GRID1: variants seen among roughly 807,000 people sequenced by gnomAD.
GRID1 encodes the protein glutamate receptor ionotropic, delta-1.
Under a neutral mutation model 98.0 loss-of-function variants are expected in GRID1, and 28 were observed. The ratio of observed to expected loss-of-function variants is 0.29; its 90% CI spans 0.21 to 0.39. The LOEUF (loss-of-function observed/expected upper bound fraction) is 0.39. Ranked by LOEUF, GRID1 falls within the 10% of genes least tolerant of loss-of-function variation. The pLI, the probability that GRID1 is intolerant of heterozygous loss-of-function variation, is 1.00. For missense variants in GRID1, 1,111 were observed against 1,340.5 expected (o/e 0.83, Z 2.67); for synonymous variants, 553 against 538.5 (o/e 1.03, Z -0.37).
intron 4 of GRID1, among the ~76,000 whole-genome samples, chr10:85,957,611 T>C (rs1842211713): frequency 6.6e-6 from 1 of 152,080 alleles, no homozygotes; most frequent in Non-Finnish European, 1.5e-5. Context: ...CCGGTGAAAA[T>C]GCAGAAAAGA....
chr10:85,978,426 T>C (rs1342737845), intron 4 of GRID1, among the ~76,000 whole-genome samples: 1 of 152,196 alleles, frequency 6.6e-6, no homozygotes, highest in African/African-American at 2.4e-5. Context: ...GCATAATAAA[T>C]TAGAGCCAGG....
chr10:86,234,026 C>A (rs1432665043), intron 2 of GRID1, among the ~76,000 whole-genome samples: 1 of 152,130 alleles, frequency 6.6e-6, no homozygotes, highest in Non-Finnish European at 1.5e-5. Context: ...ACTACCTGCT[C>A]CAGTTGCTGT....
intron 3 of GRID1, among the ~76,000 whole-genome samples, chr10:86,151,873 C>G (rs573342154): frequency 6.6e-6 from 1 of 152,196 alleles, no homozygotes; most frequent in Non-Finnish European, 1.5e-5. Flanking sequence ...CCCACCCTCT[C>G]AGTGACAGGC....
At chr10:85,960,975 G>A (rs1365137252) in intron 4 of GRID1, among the ~76,000 whole-genome samples, 7 of 151,976 alleles carry the variant, frequency 4.6e-5, no homozygotes, top group Admixed American at 2.6e-4. Context: ...AGAGAGGCTC[G>A]GTGGTAGAGT....
At chr10:86,012,222 G>T (rs950679318) in intron 4 of GRID1, among the ~76,000 whole-genome samples, 4 of 152,200 alleles carry the variant, frequency 2.6e-5, no homozygotes, top group Non-Finnish European at 5.9e-5. Flanking sequence ...TAAATACAAA[G>T]ATGAGGGGAG....
At chr10:86,115,861 A>C (rs1397989628) in intron 4 of GRID1, among the ~76,000 whole-genome samples, 1 of 152,262 alleles carries the variant, frequency 6.6e-6, no homozygotes, top group African/African-American at 2.4e-5. Context: ...ACTGCATCTA[A>C]GACAGTGGTC....
In GRID1 at chr10:85,989,100, A is replaced by T. The variant is rs545556279; in HGVS notation, c.727-72861T>A. On this transcript the variant is annotated intron_variant, in intron 4 of 15. Coordinates refer to ENST00000327946, the MANE Select transcript of GRID1 (RefSeq NM_017551.3). ...TTCTAGCAGGCTCTGGGTGTTAGGG[A>T]CTATCGAGAGTTGCCTGCTACCTGG... Among the ~76,000 whole-genome samples, 7 of 152,262 alleles carry T rather than the reference A, an allele frequency of 4.6e-5. No individual in the cohort carries two copies. The South Asian group carries it at 1.2e-3, about 27-fold the overall frequency.
chr10:85,773,555 G>T (rs1334364759), intron 8 of GRID1, among the ~76,000 whole-genome samples: 1 of 152,212 alleles, frequency 6.6e-6, no homozygotes, highest in African/African-American at 2.4e-5. Flanking sequence ...CAGATGACAT[G>T]ATTGTATATC....
At chr10:86,285,607 C>T (rs1847420046) in intron 2 of GRID1, among the ~76,000 whole-genome samples, 1 of 152,210 alleles carries the variant, frequency 6.6e-6, no homozygotes, top group Non-Finnish European at 1.5e-5. Flanking sequence ...TATGTCAGCA[C>T]GCCCACACAG....
intron 2 of GRID1, among the ~76,000 whole-genome samples, chr10:86,243,694 C>T (rs561578734): frequency 5.1e-4 from 78 of 152,262 alleles, no homozygotes; most frequent in Non-Finnish European, 9.6e-4. Flanking sequence ...AGTATACAGA[C>T]GAGGAAATCA....
chr10:86,240,677 G>C (rs1846614636), intron 2 of GRID1, among the ~76,000 whole-genome samples: 1 of 152,180 alleles, frequency 6.6e-6, no homozygotes, highest in Non-Finnish European at 1.5e-5. Flanking sequence ...CTCCCCTATG[G>C]AATGTGCTGC....
intron 2 of GRID1, among the ~76,000 whole-genome samples, chr10:86,296,497 G>A (rs1847591016): frequency 6.6e-6 from 1 of 152,108 alleles, no homozygotes; most frequent in Non-Finnish European, 1.5e-5. Flanking sequence ...CTAGCACTTT[G>A]GGAGCCTGAG....
intron 12 of GRID1, among the ~76,000 whole-genome samples, chr10:85,655,512 G>A (rs1840884847): frequency 6.6e-6 from 1 of 152,184 alleles, no homozygotes; most frequent in Non-Finnish European, 1.5e-5. Context: ...ACAATTTTGT[G>A]TTTAGAACTG....
intron 4 of GRID1, among the ~76,000 whole-genome samples, chr10:86,005,111 G>A (rs1007687625): frequency 4.6e-5 from 7 of 152,172 alleles, no homozygotes; most frequent in African/African-American, 1.4e-4. Flanking sequence ...CCTCAGCTCT[G>A]CTAGCAATCA....
chr10:85,836,421 G>A (rs59519281), intron 8 of GRID1, among the ~76,000 whole-genome samples: 2,439 of 152,030 alleles, frequency 0.016, 63 homozygotes, highest in African/African-American at 0.055. Flanking sequence ...ACCCCACAAG[G>A]GCTACTGAGC....
At chr10:86,269,726 T>C (rs190491279) in intron 2 of GRID1, among the ~76,000 whole-genome samples, 221 of 152,356 alleles carry the variant, frequency 1.5e-3, no homozygotes, top group African/African-American at 4.8e-3. Flanking sequence ...CTGAGGCAGA[T>C]TGGCAGCAAC....
At chr10:86,226,471 C>T (rs1846349475) in intron 2 of GRID1, among the ~76,000 whole-genome samples, 1 of 26,038 alleles carries the variant, frequency 3.8e-5, no homozygotes, top group Non-Finnish European at 7.9e-5. Context: ...CCCAGCACAC[C>T]CTCCCACCCC....
intron 4 of GRID1, among the ~76,000 whole-genome samples, chr10:86,111,156 T>C (rs1221901688): frequency 6.6e-6 from 1 of 152,182 alleles, no homozygotes; most frequent in African/African-American, 2.4e-5. Context: ...AACATGAAGG[T>C]GATAGAAACT....
chr10:85,616,373 T>C (rs1010982006), intron 14 of GRID1, among the ~76,000 whole-genome samples: 31 of 152,326 alleles, frequency 2.0e-4, no homozygotes, highest in African/African-American at 6.5e-4. Flanking sequence ...CAGGAGGCCA[T>C]GCTCTTTCCA....
Sources: gnomAD v4.1 joint callset for allele counts (sites outside exome capture counted in the v4.1 genomes callset) on GRCh38, gnomAD v4.1.1 for gene constraint, MANE v1.5 for transcripts, NCBI Gene and HGNC (gene_info 2026-07-23, HGNC 2026-07-21) for gene names.